Variants in MYOF observed in about 807,000 individuals in gnomAD.
The protein encoded by MYOF is fer-1-like 3, myoferlin.
A neutral mutation model predicts 284.2 loss-of-function variants in MYOF; 244 were observed. The ratio of observed to expected loss-of-function variants is 0.86; its 90% confidence interval spans 0.77 to 0.95. MYOF has a LOEUF of 0.95. Ranked by LOEUF, MYOF falls within the 40% of genes least tolerant of loss-of-function variation. The pLI is 0.00. For missense variants in MYOF, 2,496 were observed against 2,560.6 expected (o/e 0.97, Z 0.54); for synonymous variants, 904 against 919.7 (o/e 0.98, Z 0.31).
At position 93,402,362 on chromosome 10, in the gene MYOF, G is replaced by C. The variant is rs746983054; in HGVS notation, c.875-15C>G. ...GACAGCATGGCCTAAAATAGAGAAG[G>C]AGTAAAAGGAAATGGACATGCTAAA... On this transcript the variant is annotated splice_polypyrimidine_tract_variant and intron_variant, in intron 10 of 53. Coordinates refer to ENST00000359263, the MANE Select transcript of MYOF (RefSeq NM_013451.4). 6.3e-7 allele frequency: 1 copy of C among 1,585,542 alleles called. No individual in the cohort carries two copies. Among genetic ancestry groups the C allele is most frequent in the South Asian group, 1.1e-5 (1 of 90,450 alleles).
At chr10:93,396,839 A>C (rs974144497) in intron 15 of MYOF, among the ~76,000 whole-genome samples, 4 of 152,168 alleles carry the variant, frequency 2.6e-5, no homozygotes, top group East Asian at 3.8e-4. Context: ...CATTTCAAGG[A>C]CTTTTCCTTG....
At chr10:93,327,823 T>TCTCAGCTCACTGCAAC (rs1192180631) in intron 45 of MYOF, among the ~76,000 whole-genome samples, 3 of 152,126 alleles carry the variant, frequency 2.0e-5, no homozygotes, top group Non-Finnish European at 4.4e-5. Context: ...AGAGGCACGA[T>TCTCAGCTCACTGCAAC]CTCAGCTCAC....
intron 3 of MYOF, among the ~76,000 whole-genome samples, chr10:93,436,535 C>G (rs1849129637): frequency 6.6e-6 from 1 of 152,094 alleles, no homozygotes. Flanking sequence ...CCTGCAAAGA[C>G]TTTAATCCCA....
chr10:93,354,666 A>ACCCTCTCTCTCTCTCTCTCTCTCTCTCT (rs1554844078), intron 31 of MYOF, among the ~76,000 whole-genome samples: 1 of 119,236 alleles, frequency 8.4e-6, no homozygotes, highest in Non-Finnish European at 1.8e-5. Flanking sequence ...TCACACATTC[A>ACCCTCTCTCTCTCTCTCTCTCTCTCTCT]CTCTCTCTCT....
At chr10:93,431,110 C>T (rs1395016938) in intron 4 of MYOF, among the ~76,000 whole-genome samples, 3 of 149,352 alleles carry the variant, frequency 2.0e-5, no homozygotes. Flanking sequence ...CTCACTACAA[C>T]CTCCATCTCC....
intron 45 of MYOF, among the ~76,000 whole-genome samples, chr10:93,327,914 C>T (rs926891199): frequency 9.2e-5 from 14 of 152,042 alleles, no homozygotes; most frequent in African/African-American, 3.1e-4. Context: ...CATGCCACCA[C>T]ACCCGGCTCT....
intron 37 of MYOF, among the ~76,000 whole-genome samples, chr10:93,345,717 G>A (rs1322749213): frequency 1.3e-5 from 2 of 152,212 alleles, no homozygotes; most frequent in Non-Finnish European, 2.9e-5. Flanking sequence ...CAAGGGACAG[G>A]AGGAGAAAGT....
intron 10 of MYOF, 46 bp from the exon 11 acceptor site, chr10:93,402,393 A>C (rs564346528): frequency 1.4e-6 from 2 of 1,444,114 alleles, no homozygotes; most frequent in South Asian, 2.3e-5. Flanking sequence ...CTAAAAAGGT[A>C]CTGATAAGTC....
At chr10:93,447,682 G>C (rs912179642) in intron 3 of MYOF, among the ~76,000 whole-genome samples, 1 of 152,118 alleles carries the variant, frequency 6.6e-6, no homozygotes, top group Non-Finnish European at 1.5e-5. Flanking sequence ...AAGGACTCCT[G>C]AATTAGTCTC....
chr10:93,440,328 C>T (rs2056208020), intron 3 of MYOF, among the ~76,000 whole-genome samples: 2 of 152,096 alleles, frequency 1.3e-5, no homozygotes, highest in Non-Finnish European at 2.9e-5. Flanking sequence ...AGAAGAATCA[C>T]TTGAACCCGG....
chr10:93,459,715 G>A (rs1279099053), intron 1 of MYOF, among the ~76,000 whole-genome samples: 1 of 152,176 alleles, frequency 6.6e-6, no homozygotes. Flanking sequence ...GCGTTCCAGG[G>A]TATCCTGAAA....
chr10:93,355,650 G>T lies in MYOF; in HGVS notation c.3381C>A (p.Pro1127=), dbSNP rs374356193. The T allele has an allele frequency of 1.1e-5, 17 of 1,609,408 alleles. No homozygotes were observed. In the African/African-American group the frequency reaches 2.1e-4, roughly 20 times the overall value. ...CACTGTCAAAATTGCAGGAAACAAT[G>T]GGGGTGTTTGCTCCGAACACAGTGG... ...SATTVFGANT[P]IVSCNFDRVY... Residue 1127 remains proline, a synonymous_variant, in exon 31 of 54, where the codon CCC becomes CCA. Transcript: ENST00000359263.
rs992423163 is a variant in MYOF at position 93,319,891 on chromosome 10, A to T, written c.5579T>A (p.Leu1860His). Residue 1860 changes from leucine to histidine, a missense_variant, in exon 49 of 54, where the codon CTC becomes CAC. Around this residue, in one of 3 missense-constraint regions of MYOF, gnomAD observed 2,436 missense variants for 2,480.7 expected, o/e 0.98. Transcript: ENST00000359263. ...GCTCACTTTTTTCGCAACGATACAG[A>T]GTTGTTCGGCTGGAAGGTAGTCAAA... ...FPFDYLPAEQ[L>H]CIVAKKEHFW... The T allele has an allele frequency of 6.2e-7, 1 of 1,614,130 alleles. No individual in the cohort carries two copies. The highest frequency in any genetic ancestry group is 8.5e-7 in the Non-Finnish European group (1 of 1,180,014).
chr10:93,374,710 C>T (rs1007342657), intron 23 of MYOF, 53 bp downstream of exon 23: 25 of 1,547,122 alleles, frequency 1.6e-5, no homozygotes, highest in East Asian at 1.1e-4. Flanking sequence ...GGTGCCATTT[C>T]GCAGAGCCCT....
At chr10:93,455,306 CA>C (rs11290130) in intron 2 of MYOF, among the ~76,000 whole-genome samples, 107,700 of 151,222 alleles carry the variant, frequency 0.71, 38,720 homozygotes, top group East Asian at 0.77. Flanking sequence ...AAACAAAAAA[CA>C]AAAAAACAAA....
intron 4 of MYOF, among the ~76,000 whole-genome samples, chr10:93,430,517 G>A (rs992652511): frequency 6.6e-6 from 1 of 151,254 alleles, no homozygotes; most frequent in South Asian, 2.1e-4. Context: ...AGGAGGCAGA[G>A]GTTGCAGTGA....
intron 19 of MYOF, among the ~76,000 whole-genome samples, 193 bp from the exon 20 acceptor site, chr10:93,381,589 G>A (rs1846115562): frequency 6.6e-6 from 1 of 152,124 alleles, no homozygotes; most frequent in Non-Finnish European, 1.5e-5. Context: ...GGATGTTCCT[G>A]GCAGCATTGA....
intron 5 of MYOF, among the ~76,000 whole-genome samples, chr10:93,422,749 T>C (rs529354990): frequency 6.6e-6 from 1 of 152,162 alleles, no homozygotes; most frequent in Admixed American, 6.5e-5. Context: ...TAAACAGAGA[T>C]CATGTCACTG....
chr10:93,312,146 G>A (rs1223356354), intron 51 of MYOF, among the ~76,000 whole-genome samples: 1 of 152,196 alleles, frequency 6.6e-6, no homozygotes, highest in Non-Finnish European at 1.5e-5. Flanking sequence ...CATGCTGCCT[G>A]GTTCAAAATT....
Sources: allele counts gnomAD v4.1 joint callset (sites outside exome capture counted in the v4.1 genomes callset), GRCh38; gene constraint gnomAD v4.1.1; regional missense constraint gnomAD v4.1.1; transcripts MANE v1.5; gene names NCBI Gene and HGNC (gene_info 2026-07-23, HGNC 2026-07-21).